GALNT13: variants seen among roughly 807,000 people sequenced by gnomAD.
GALNT13 encodes UDP-GalNAc:polypeptide N-acetylgalactosaminyltransferase 13.
Under a neutral mutation model 64.2 loss-of-function variants are expected in GALNT13, and 28 were observed. That is an observed-to-expected ratio of 0.44 (90% CI 0.32 to 0.60). GALNT13 has a LOEUF of 0.60. Ranked by LOEUF, GALNT13 falls within the 20% of genes least tolerant of loss-of-function variation. GALNT13 has a pLI of 0.05. For synonymous variants in GALNT13, 214 were observed against 224.6 expected (o/e 0.95, Z 0.42); for missense variants, 577 against 669.8 (o/e 0.86, Z 1.53).
At chr2:154,246,891 G>A (rs538922300) in intron 7 of GALNT13, among the ~76,000 whole-genome samples, 2 of 152,106 alleles carry the variant, frequency 1.3e-5, no homozygotes, top group Admixed American at 6.5e-5. Context: ...GATGTTACTC[G>A]AGGACCTTTT....
chr2:153,398,372 G>A, the GALNT13 span, among the ~76,000 whole-genome samples: 6 of 152,104 alleles, frequency 3.9e-5, no homozygotes, highest in South Asian at 2.1e-4. Context: ...GAATAATGCC[G>A]CAATAAACAT....
At chr2:153,878,255 G>T (rs747386771) in intron 1 of GALNT13, among the ~76,000 whole-genome samples, 15 of 152,090 alleles carry the variant, frequency 9.9e-5, no homozygotes, top group Non-Finnish European at 2.2e-4. Context: ...TAAGCTCCCT[G>T]TACATTTTTC....
At chr2:154,214,712 A>G (rs989009223) in intron 4 of GALNT13, among the ~76,000 whole-genome samples, 4 of 152,178 alleles carry the variant, frequency 2.6e-5, no homozygotes, top group Non-Finnish European at 5.9e-5. Flanking sequence ...TCCTTCTGCC[A>G]TAATTGTAAG....
the GALNT13 span, among the ~76,000 whole-genome samples, chr2:153,238,080 G>A: frequency 1.3e-5 from 2 of 151,990 alleles, no homozygotes; most frequent in Non-Finnish European, 2.9e-5. Flanking sequence ...TTCCTCTGAT[G>A]ATCAGTGATA....
intron 3 of GALNT13, among the ~76,000 whole-genome samples, chr2:154,008,161 G>A (rs573718694): frequency 6.6e-6 from 1 of 152,310 alleles, no homozygotes; most frequent in East Asian, 1.9e-4. Flanking sequence ...TTGAATAGGA[G>A]TGGTGGGAGT....
intron 3 of GALNT13, among the ~76,000 whole-genome samples, chr2:154,000,060 G>T (rs948912190): frequency 6.6e-6 from 1 of 151,940 alleles, no homozygotes; most frequent in Non-Finnish European, 1.5e-5. Context: ...AGTTAGGCAA[G>T]AGAAAGGTTG....
At chr2:153,349,454 C>T in the GALNT13 span, among the ~76,000 whole-genome samples, 1 of 152,290 alleles carries the variant, frequency 6.6e-6, no homozygotes, top group South Asian at 2.1e-4. Context: ...ATTTGCATCA[C>T]TATGGCTTCA....
intron 9 of GALNT13, among the ~76,000 whole-genome samples, chr2:154,393,198 A>G (rs1408951025): frequency 6.6e-6 from 1 of 152,228 alleles, no homozygotes; most frequent in African/African-American, 2.4e-5. Flanking sequence ...AAGTAAGATT[A>G]CATATCAAAC....
At chr2:153,170,416 AT>A in the GALNT13 span, among the ~76,000 whole-genome samples, 1 of 152,142 alleles carries the variant, frequency 6.6e-6, no homozygotes, top group Non-Finnish European at 1.5e-5. Flanking sequence ...GACTTGAGGG[AT>A]TTTATCTTTC....
the GALNT13 span, among the ~76,000 whole-genome samples, chr2:153,096,879 A>G: frequency 6.6e-6 from 1 of 152,158 alleles, no homozygotes; most frequent in Non-Finnish European, 1.5e-5. Context: ...TATTATTGAC[A>G]AGTAAGGACT....
At chr2:154,337,657 G>T (rs1574110973) in intron 9 of GALNT13, among the ~76,000 whole-genome samples, 1 of 151,830 alleles carries the variant, frequency 6.6e-6, no homozygotes, top group Non-Finnish European at 1.5e-5. Flanking sequence ...AAATATTTTT[G>T]AGCAATGTAT....
chr2:153,998,087 A>G (rs1352483057), intron 3 of GALNT13, among the ~76,000 whole-genome samples: 1 of 152,068 alleles, frequency 6.6e-6, no homozygotes, highest in African/African-American at 2.4e-5. Context: ...TATTGTGAAC[A>G]GTGTCTCAAT....
intron 9 of GALNT13, among the ~76,000 whole-genome samples, chr2:154,354,686 C>T (rs115127913): frequency 0.016 from 2,457 of 151,922 alleles, 32 homozygotes; most frequent in Middle Eastern, 0.024. Flanking sequence ...ACCCTTTTCC[C>T]CATTGTGTTC....
chr2:153,723,649 A>G, the GALNT13 span, among the ~76,000 whole-genome samples: 6 of 152,130 alleles, frequency 3.9e-5, no homozygotes, highest in East Asian at 1.2e-3. Flanking sequence ...AAGCATTCCT[A>G]TACACCAACA....
intron 8 of GALNT13, among the ~76,000 whole-genome samples, chr2:154,270,945 C>T (rs1035736566): frequency 2.6e-5 from 4 of 151,786 alleles, no homozygotes; most frequent in African/African-American, 4.8e-5. Flanking sequence ...GTAAATAAAA[C>T]GTATCTAAAT....
the GALNT13 span, among the ~76,000 whole-genome samples, chr2:153,369,005 T>C: frequency 0.82 from 125,271 of 151,974 alleles, 52,560 homozygotes; most frequent in African/African-American, 0.9. Context: ...AAAGTAGAAT[T>C]AATAGCAGAA....
At chr2:153,500,410 T>C in the GALNT13 span, among the ~76,000 whole-genome samples, 1 of 152,170 alleles carries the variant, frequency 6.6e-6, no homozygotes, top group Admixed American at 6.5e-5. Flanking sequence ...TGCTAAGACT[T>C]GGGTGCATGG....
At chr2:154,217,452 G>C (rs886688890) in intron 4 of GALNT13, among the ~76,000 whole-genome samples, 1 of 151,968 alleles carries the variant, frequency 6.6e-6, no homozygotes, top group African/African-American at 2.4e-5. Flanking sequence ...ATTTTTTTAA[G>C]TTTATGTTTT....
the GALNT13 span, among the ~76,000 whole-genome samples, chr2:153,453,702 G>A: frequency 6.6e-6 from 1 of 152,180 alleles, no homozygotes; most frequent in Non-Finnish European, 1.5e-5. Flanking sequence ...GTGGAAAGCA[G>A]TTTGGAGACT....
Sources: gnomAD v4.1 joint callset for allele counts (sites outside exome capture counted in the v4.1 genomes callset) on GRCh38, gnomAD v4.1.1 for gene constraint, MANE v1.5 for transcripts, NCBI Gene and HGNC (gene_info 2026-07-23, HGNC 2026-07-21) for gene names.